Variants in PDE1C observed in about 807,000 individuals in gnomAD.
PDE1C encodes the protein dual specificity calcium/calmodulin-dependent 3',5'-cyclic nucleotide phosphodiesterase 1C.
In PDE1C, 62 loss-of-function variants were observed where a neutral mutation model predicts 93.1. The ratio of observed to expected loss-of-function variants is 0.67; its 90% CI spans 0.54 to 0.82. PDE1C has a LOEUF of 0.82. Among genes scored for constraint, PDE1C ranks in the 40% least tolerant of loss-of-function variants. The probability of loss-of-function intolerance (pLI) is 0.00; values close to 1 mark genes in which losing one functional copy is unlikely to be tolerated. For missense variants in PDE1C, 742 were observed against 884.6 expected (o/e 0.84, Z 2.04); for synonymous variants, 325 against 310.1 (o/e 1.05, Z -0.50).
At chr7:31,777,908 G>A (rs1191704864) in intron 16 of PDE1C, among the ~76,000 whole-genome samples, 2 of 152,096 alleles carry the variant, frequency 1.3e-5, no homozygotes, top group Non-Finnish European at 2.9e-5. Flanking sequence ...AACATAGAGG[G>A]TCCAACCCTG....
chr7:32,075,795 G>A (rs1212680669), upstream of PDE1C, among the ~76,000 whole-genome samples: 1 of 152,130 alleles, frequency 6.6e-6, no homozygotes, highest in Non-Finnish European at 1.5e-5. Flanking sequence ...CACAGTTTCT[G>A]CGCCTCTCTC....
chr7:32,308,308 G>C (rs1036495226), intron 1 of PDE1C, among the ~76,000 whole-genome samples: 2 of 152,256 alleles, frequency 1.3e-5, no homozygotes, highest in Admixed American at 1.3e-4. Flanking sequence ...TCTGGGGGCA[G>C]GGCACAGACA....
intron 3 of PDE1C, among the ~76,000 whole-genome samples, chr7:32,090,285 G>GCCC (rs1797397140): frequency 6.6e-6 from 1 of 152,206 alleles, no homozygotes; most frequent in Admixed American, 6.5e-5. Context: ...AAAGGGCTCT[G>GCCC]CCCTCTGTGA....
chr7:32,162,224 C>A (rs1584881993), intron 3 of PDE1C, among the ~76,000 whole-genome samples: 1 of 152,140 alleles, frequency 6.6e-6, no homozygotes, highest in South Asian at 2.1e-4. Context: ...TGACTTGCCC[C>A]ATGTTCCCTC....
At chr7:31,863,382 CT>C (rs1562937996) in intron 7 of PDE1C, among the ~76,000 whole-genome samples, 1 of 152,094 alleles carries the variant, frequency 6.6e-6, no homozygotes, top group East Asian at 1.9e-4. Context: ...ATATCTTCAA[CT>C]TTTGAAGATA....
intron 1 of PDE1C, among the ~76,000 whole-genome samples, chr7:32,348,356 C>CTTTTTTTT (rs59148183): frequency 3.5e-5 from 2 of 57,314 alleles, no homozygotes; most frequent in African/African-American, 6.2e-5. Context: ...AACAAATGTG[C>CTTTTTTTT]TTTTTTTTTT....
intron 3 of PDE1C, among the ~76,000 whole-genome samples, chr7:32,154,509 T>C (rs1801451300): frequency 6.6e-6 from 1 of 152,156 alleles, no homozygotes. Context: ...TTACCTAAAC[T>C]ACAACCTCAC....
chr7:32,298,561 T>C, intron 1 of PDE1C: 1 of 1,446,714 alleles, frequency 6.9e-7, no homozygotes, highest in Non-Finnish European at 9.4e-7. Flanking sequence ...ACCCCTGAGC[T>C]CCCCCTGCCC....
At chr7:31,844,897 TA>T (rs1456922184) in intron 9 of PDE1C, among the ~76,000 whole-genome samples, 1 of 152,106 alleles carries the variant, frequency 6.6e-6, no homozygotes, top group African/African-American at 2.4e-5. Flanking sequence ...AATGAATTTT[TA>T]AAAGTCACTG....
chr7:32,296,492 A>G (rs1230914531), intron 1 of PDE1C, among the ~76,000 whole-genome samples: 1 of 152,266 alleles, frequency 6.6e-6, no homozygotes, highest in Non-Finnish European at 1.5e-5. Context: ...GAAGAAGAAT[A>G]AGTAGAAAGA....
chr7:32,296,474 G>C (rs527613835), intron 1 of PDE1C, among the ~76,000 whole-genome samples: 55 of 152,362 alleles, frequency 3.6e-4, no homozygotes, highest in African/African-American at 1.3e-3. Flanking sequence ...AATGTGGAAA[G>C]GGGGAGGGAA....
At chr7:31,899,722 G>A (rs777121476) in intron 2 of PDE1C, among the ~76,000 whole-genome samples, 7 of 152,194 alleles carry the variant, frequency 4.6e-5, no homozygotes, top group Non-Finnish European at 1.0e-4. Context: ...CCCTTAGTAT[G>A]AGCAGGCCTA....
At chr7:31,956,243 A>G (rs903483696) in intron 2 of PDE1C, among the ~76,000 whole-genome samples, 107 of 152,026 alleles carry the variant, frequency 7.0e-4, no homozygotes, top group African/African-American at 2.5e-3. Flanking sequence ...ACAGGCGTGC[A>G]CCACCACGCC....
chr7:31,921,082 G>T (rs904008120), intron 2 of PDE1C, among the ~76,000 whole-genome samples: 2 of 152,218 alleles, frequency 1.3e-5, no homozygotes, highest in Non-Finnish European at 2.9e-5. Context: ...CAAATGATAA[G>T]GTAGGTTGAC....
In PDE1C at chr7:32,339,627, GC is replaced by G. The variant is rs543697418; in HGVS notation, c.310+88194del. ...CTCCGTGACAAGACAGAGCACTGAA[GC>G]CTTTGTTAAAGCCATTTCAGTGGAG... On this transcript the variant is annotated intron_variant, in intron 1 of 1. Coordinates refer to the PDE1C transcript ENST00000672256. 2.6e-3 allele frequency among the ~76,000 whole-genome samples: 389 copies of G among 152,290 alleles called. 3 individuals carry two copies. The highest frequency in any genetic ancestry group is 9.0e-3 in the African/African-American group (375 of 41,550).
At chr7:31,964,695 G>C (rs151265705) in intron 2 of PDE1C, among the ~76,000 whole-genome samples, 2,689 of 152,320 alleles carry the variant, frequency 0.018, 80 homozygotes, top group African/African-American at 0.061. Context: ...GCCTAACTGG[G>C]AGGCAACCCC....
At chr7:32,323,378 A>G (rs1332799124) in intron 1 of PDE1C, among the ~76,000 whole-genome samples, 1 of 152,166 alleles carries the variant, frequency 6.6e-6, no homozygotes, top group Non-Finnish European at 1.5e-5. Context: ...CTTGAGACAT[A>G]CAATTGGTCT....
chr7:31,948,660 C>T lies in PDE1C; in HGVS notation c.129-67800G>A, dbSNP rs191728390. 7.2e-4 allele frequency among the ~76,000 whole-genome samples: 109 copies of T among 152,122 alleles called. 2 individuals carry two copies. The Middle Eastern group carries it at 0.024, about 33-fold the overall frequency. The stretch of plus-strand genomic sequence containing the variant: ...TGTTTCCATCTTACTTATCTTTTTG[C>T]GGAGATGGGAGTTGTTTTCTAGGGG... On this transcript the variant is annotated intron_variant, in intron 2 of 17. Transcript: ENST00000396191.
chr7:32,279,570 A>C (rs539786088), intron 1 of PDE1C, among the ~76,000 whole-genome samples: 1 of 152,270 alleles, frequency 6.6e-6, no homozygotes, highest in South Asian at 2.1e-4. Context: ...GAAATATGAC[A>C]TTATACCCCA....
Sources: gnomAD v4.1 joint callset for allele counts (sites outside exome capture counted in the v4.1 genomes callset) on GRCh38, gnomAD v4.1.1 for gene constraint, MANE v1.5 for transcripts, NCBI Gene and HGNC (gene_info 2026-07-23, HGNC 2026-07-21) for gene names.